The following HS2ST1 variants were observed in gnomAD, a reference collection of about 807,000 sequenced individuals.
HS2ST1 encodes 2-O-sulfotransferase.
A neutral mutation model predicts 42.9 loss-of-function variants in HS2ST1; 18 were observed. That is an observed-to-expected ratio of 0.42 (90% confidence interval 0.29 to 0.62). The LOEUF is 0.62. Ranked by LOEUF, HS2ST1 falls within the 20% of genes least tolerant of loss-of-function variation. HS2ST1 has a pLI of 0.21. For missense variants in HS2ST1, 334 were observed against 433.8 expected (o/e 0.77, Z 2.04); for synonymous variants, 146 against 152.9 (o/e 0.95, Z 0.33).
At chr1:87,062,752 T>C (rs1342384448) in intron 1 of HS2ST1, among the ~76,000 whole-genome samples, 1 of 152,214 alleles carries the variant, frequency 6.6e-6, no homozygotes, top group Non-Finnish European at 1.5e-5. Flanking sequence ...ATGCTAATTT[T>C]CTTTCATGTG....
At chr1:87,102,004 T>C (rs1037077860) in intron 5 of HS2ST1, among the ~76,000 whole-genome samples, 1 of 152,154 alleles carries the variant, frequency 6.6e-6, no homozygotes, top group African/African-American at 2.4e-5. Flanking sequence ...GCACATCATA[T>C]GGCAAGAGTG....
At chr1:87,031,328 CAG>C (rs1302985437) in intron 1 of HS2ST1, among the ~76,000 whole-genome samples, 11 of 152,204 alleles carry the variant, frequency 7.2e-5, no homozygotes, top group Non-Finnish European at 7.3e-5. Flanking sequence ...CCAACTAAAT[CAG>C]AGTCTCTAGA....
intron 1 of HS2ST1, among the ~76,000 whole-genome samples, chr1:87,043,259 A>G (rs1650565515): frequency 6.6e-6 from 1 of 152,124 alleles, no homozygotes; most frequent in Admixed American, 6.6e-5. Context: ...TTATTTCATC[A>G]GAATTAGTCC....
intron 1 of HS2ST1, among the ~76,000 whole-genome samples, chr1:87,033,938 A>G (rs1389229734): frequency 1.3e-5 from 2 of 152,254 alleles, no homozygotes; most frequent in African/African-American, 4.8e-5. Context: ...ACAGTGAGCA[A>G]TGATGAGCTT....
chr1:87,064,396 AT>A (rs1651195778), intron 1 of HS2ST1: 2 of 491,484 alleles, frequency 4.1e-6, no homozygotes, highest in Non-Finnish European at 8.1e-6. Context: ...GTGTGCCAGT[AT>A]TTTAGGTGTA....
intron 2 of HS2ST1, among the ~76,000 whole-genome samples, chr1:87,080,497 G>A (rs550656944): frequency 6.6e-6 from 1 of 152,228 alleles, no homozygotes; most frequent in South Asian, 2.1e-4. Flanking sequence ...ATCATGATAT[G>A]GGGGAGGAAG....
chr1:87,081,334 C>CA (rs905837632), intron 2 of HS2ST1, among the ~76,000 whole-genome samples: 2 of 150,534 alleles, frequency 1.3e-5, no homozygotes, highest in Non-Finnish European at 3.0e-5. Context: ...TTTAAAAGTT[C>CA]AAAAAAAAAT....
chr1:87,005,335 C>G (rs77555567), intron 1 of HS2ST1, among the ~76,000 whole-genome samples: 1 of 152,180 alleles, frequency 6.6e-6, no homozygotes, highest in East Asian at 1.9e-4. Flanking sequence ...ATAAATCAAT[C>G]CTGGTACCTT....
At position 87,091,253 on chromosome 1, in the gene HS2ST1, G is replaced by A. The variant is rs548708143; in HGVS notation, c.450-1278G>A. 3.9e-5 allele frequency among the ~76,000 whole-genome samples: 6 copies of A among 152,062 alleles called. No individual in the cohort carries two copies. In the East Asian group the frequency reaches 1.2e-3, roughly 29 times the overall value. ...AAGAAAAATGAGAGCGGCACTCAAG[G>A]AAGACAGAATAAGCAAAGATATATA... On this transcript the variant is annotated intron_variant, in intron 3 of 6. Transcript: ENST00000370550.
At position 87,092,288 on chromosome 1, in the gene HS2ST1, A is replaced by G. The variant is rs570150320; in HGVS notation, c.450-243A>G. ...TAAAGTTTAAAATTATTTTTCATTC[A>G]TTTTTATCTCCTTTATCTTCAGACA... On this transcript the variant is annotated intron_variant, in intron 3 of 6. Coordinates refer to ENST00000370550, the MANE Select transcript of HS2ST1 (RefSeq NM_012262.4). Among the ~76,000 whole-genome samples the G allele has an allele frequency of 6.6e-5, 10 of 152,100 alleles. No individual in the cohort carries two copies. In the East Asian group the frequency reaches 1.2e-3, roughly 18 times the overall value.
At chr1:87,028,437 A>T (rs762241951) in intron 1 of HS2ST1, among the ~76,000 whole-genome samples, 3 of 152,252 alleles carry the variant, frequency 2.0e-5, no homozygotes, top group Non-Finnish European at 2.9e-5. Context: ...TTGGGTACCC[A>T]TTGAAGAGTA....
intron 2 of HS2ST1, among the ~76,000 whole-genome samples, chr1:87,081,446 G>A (rs1651686292): frequency 6.6e-6 from 1 of 152,046 alleles, no homozygotes; most frequent in African/African-American, 2.4e-5. Context: ...GTGACCAGTG[G>A]GTCAATAAAT....
intron 1 of HS2ST1, among the ~76,000 whole-genome samples, chr1:86,986,804 C>G (rs979617598): frequency 6.6e-6 from 1 of 152,166 alleles, no homozygotes; most frequent in African/African-American, 2.4e-5. Flanking sequence ...TGATTTTTGC[C>G]TAGTGGGACT....
chr1:86,987,123 G>A (rs1289902961), intron 1 of HS2ST1, among the ~76,000 whole-genome samples: 3 of 143,616 alleles, frequency 2.1e-5, no homozygotes, highest in Non-Finnish European at 3.0e-5. Flanking sequence ...AGGCTGGAGT[G>A]CAGTGGCATG....
At chr1:87,097,245 CAG>C (rs2100653620) in intron 4 of HS2ST1, among the ~76,000 whole-genome samples, 1 of 152,180 alleles carries the variant, frequency 6.6e-6, no homozygotes, top group Non-Finnish European at 1.5e-5. Flanking sequence ...GTTGGAAAGA[CAG>C]AACATAACAC....
intron 2 of HS2ST1, among the ~76,000 whole-genome samples, chr1:87,083,288 G>A (rs116723686): frequency 1.7e-3 from 264 of 152,318 alleles, no homozygotes; most frequent in Non-Finnish European, 3.4e-3. Context: ...GCAATTGACA[G>A]TTCTGTGTTT....
chr1:87,042,056 T>G (rs1180791244), intron 1 of HS2ST1, among the ~76,000 whole-genome samples: 1 of 152,194 alleles, frequency 6.6e-6, no homozygotes, highest in Non-Finnish European at 1.5e-5. Flanking sequence ...TGTTTGGATA[T>G]GCATTTCCCT....
At chr1:87,062,018 A>G (rs948928649) in intron 1 of HS2ST1, among the ~76,000 whole-genome samples, 10 of 151,614 alleles carry the variant, frequency 6.6e-5, no homozygotes, top group African/African-American at 2.4e-4. Context: ...TGCATGTCCC[A>G]GTGACTAATG....
chr1:86,984,773 G>A (rs1332474350), intron 1 of HS2ST1, among the ~76,000 whole-genome samples: 1 of 151,830 alleles, frequency 6.6e-6, no homozygotes, highest in Non-Finnish European at 1.5e-5. Context: ...AAATTAGCTG[G>A]GTGTGGTGGC....
Sources: gnomAD v4.1 joint callset for allele counts (sites outside exome capture counted in the v4.1 genomes callset) on GRCh38, gnomAD v4.1.1 for gene constraint, MANE v1.5 for transcripts, NCBI Gene and HGNC (gene_info 2026-07-23, HGNC 2026-07-21) for gene names.